INO80: variants seen among roughly 807,000 people sequenced by gnomAD.
INO80 encodes the protein INO80 complex ATPase subunit.
A neutral mutation model predicts 203.4 loss-of-function variants in INO80; 20 were observed. The observed-to-expected ratio is 0.10, with a 90% CI of 0.07 to 0.14. The LOEUF (loss-of-function observed/expected upper bound fraction) is 0.14. Among genes scored for constraint, INO80 ranks in the 10% least tolerant of loss-of-function variants. INO80 has a pLI of 1.00. For synonymous variants in INO80, 726 were observed against 685.2 expected (o/e 1.06, Z -0.93); for missense variants, 1,419 against 1,914.4 (o/e 0.74, Z 4.83).
chr15:41,105,186 A>ACAAT (rs1444758216), intron 1 of INO80, among the ~76,000 whole-genome samples: 1 of 152,224 alleles, frequency 6.6e-6, no homozygotes, highest in African/African-American at 2.4e-5. Flanking sequence ...ATGTGGTCTA[A>ACAAT]CAATCAACAA....
At chr15:41,099,031 G>A (rs1242375434) in intron 1 of INO80, among the ~76,000 whole-genome samples, 4 of 151,732 alleles carry the variant, frequency 2.6e-5, no homozygotes, top group African/African-American at 9.7e-5. Context: ...GATCCCTTGA[G>A]CCCAGGAGTT....
chr15:41,079,819 C>T lies in INO80; in HGVS notation c.1013G>A (p.Arg338His), dbSNP rs749332663. 10 of 1,613,978 alleles carry T rather than the reference C, an allele frequency of 6.2e-6. No homozygotes were observed. The highest frequency in any genetic ancestry group is 1.6e-4 in the Middle Eastern group (1 of 6,084). ...NCKETLPRAR[R>H]LTKEMLLYWK... ...GTACAGAAGCATCTCCTTGGTGAGG[C>T]GGCGGGCACGAGGCAAGGTTTCCTT... is the stretch of plus-strand genomic sequence containing the variant. The change falls in exon 9 of 36, where the codon CGC becomes CAC. Residue 338 changes from arginine (R) to histidine (H), a missense_variant. By Grantham distance (29) the Arg-to-His change is conservative. This residue lies in a region of INO80 where 87 missense variants were observed against 150.5 expected (regional missense o/e 0.58). Transcript: ENST00000648947.
Position 41,085,415 on chromosome 15 carries a change from C to T in INO80, c.827G>A (p.Arg276His), listed in dbSNP as rs143209468. The T allele has an allele frequency of 1.9e-6, 3 of 1,614,152 alleles. No homozygotes were observed. The highest frequency in any genetic ancestry group is 2.5e-6 in the Non-Finnish European group (3 of 1,180,032). The change falls in exon 7 of 36, where the codon CGT becomes CAT. Residue 276 changes from arginine to histidine, a missense_variant. By Grantham distance (29) the Arg-to-His change is conservative. This residue lies in a region of INO80 where 323 missense variants were observed against 325.4 expected (regional missense o/e 0.99). Coordinates refer to ENST00000648947, the MANE Select transcript of INO80 (RefSeq NM_017553.3). ...KHLSIEQLNA[R>H]RRKVWLSIVK... ...AATGCTGAGCCATACTTTCCTGCGA[C>T]GAGCATTCAGCTGCTCAATGGATAA... is the stretch of plus-strand genomic sequence containing the variant.
chr15:41,059,862 G>A lies in INO80; in HGVS notation c.1842+5C>T, dbSNP rs1457888937. The A allele has an allele frequency of 1.3e-6, 2 of 1,599,564 alleles. No individual in the cohort carries two copies. The highest frequency in any genetic ancestry group is 2.2e-5 in the South Asian group (2 of 90,214). On this transcript the variant is annotated splice_donor_5th_base_variant and intron_variant, in intron 15 of 35. Transcript: ENST00000648947. ...CGTATGTATGCAGTTTAAGTAGAAT[G>A]TTACCTGACTCCAGAACCTTCTGAT...
intron 6 of INO80, 50 bp from the exon 7 acceptor site, chr15:41,085,633 C>A: frequency 2.1e-6 from 3 of 1,432,024 alleles, no homozygotes; most frequent in Non-Finnish European, 2.9e-6. Context: ...GAGATAGTCA[C>A]AAAGCAACCT....
intron 1 of INO80, among the ~76,000 whole-genome samples, chr15:41,114,021 C>A (rs1473473870): frequency 1.3e-5 from 2 of 152,180 alleles, no homozygotes; most frequent in Admixed American, 1.3e-4. Flanking sequence ...GTAATCTCAG[C>A]ACTTTGGGAG....
Position 40,980,457 on chromosome 15 carries a change from AGAC to A in INO80, c.4454-20_4454-18del. ...CGGAGATTCCTGTGGGGACGGAGAG[AGAC>A]AAGAACGTAAGCACCAGTCCCGCGT... On this transcript the variant is annotated intron_variant, in intron 35 of 35. Coordinates refer to ENST00000648947, the MANE Select transcript of INO80 (RefSeq NM_017553.3). 1 of 1,598,480 alleles carries A rather than the reference AGAC, an allele frequency of 6.3e-7. No individual in the cohort carries two copies. The highest frequency in any genetic ancestry group is 1.1e-5 in the South Asian group (1 of 90,130).
intron 4 of INO80, among the ~76,000 whole-genome samples, chr15:41,094,280 A>G (rs1006503555): frequency 2.6e-5 from 4 of 152,098 alleles, no homozygotes; most frequent in Non-Finnish European, 4.4e-5. Context: ...TTCATCTTCC[A>G]CCATCCTCCT....
intron 24 of INO80, among the ~76,000 whole-genome samples, chr15:41,039,857 GT>G (rs2044641363): frequency 6.6e-6 from 1 of 152,200 alleles, no homozygotes; most frequent in African/African-American, 2.4e-5. Context: ...CACATCGGTG[GT>G]TTCCAAGGTA....
At position 41,079,759 on chromosome 15, in the gene INO80, C is replaced by A; in HGVS notation, c.1073G>T (p.Arg358Leu). 1.2e-6 allele frequency: 2 copies of A among 1,614,130 alleles called. No individual in the cohort carries two copies. Among genetic ancestry groups the A allele is most frequent in the Non-Finnish European group, 1.7e-6 (2 of 1,180,028 alleles). ...KKYEKVEKEH[R>L]KRAEKEALEQ... Reference sequence around the variant, plus strand: ...CAAAGCTTCCTTCTCTGCTCTCTTGCGGTGCTCCTTCTCTACTTTCTCATA... The same window carrying A: ...CAAAGCTTCCTTCTCTGCTCTCTTGAGGTGCTCCTTCTCTACTTTCTCATA... The change falls in exon 9 of 36, where the codon CGC (arginine) becomes CTC (leucine). Residue 358 changes from arginine (R) to leucine (L), a missense_variant. Physicochemically the swap from Arg to Leu is moderately radical, Grantham distance 102. Around this residue, in one of 9 missense-constraint regions of INO80, gnomAD observed 87 missense variants for 150.5 expected, o/e 0.58. Coordinates refer to ENST00000648947, the MANE Select transcript of INO80 (RefSeq NM_017553.3).
At chr15:41,066,016 G>A (rs1268530766) in intron 14 of INO80, among the ~76,000 whole-genome samples, 2 of 137,574 alleles carry the variant, frequency 1.5e-5, no homozygotes, top group Non-Finnish European at 3.1e-5. Context: ...TTTTGAGACA[G>A]AGTTGTGCTC....
At chr15:41,047,004 C>T (rs968661828) in intron 23 of INO80, among the ~76,000 whole-genome samples, 41 of 150,934 alleles carry the variant, frequency 2.7e-4, no homozygotes, top group African/African-American at 9.8e-4. Flanking sequence ...CTGGCCTCAA[C>T]TGATCCAGGC....
intron 35 of INO80, among the ~76,000 whole-genome samples, chr15:40,982,595 C>G (rs1423066188): frequency 2.0e-5 from 3 of 152,172 alleles, no homozygotes; most frequent in African/African-American, 7.2e-5. Flanking sequence ...ATCCCCAAAG[C>G]AAGAAAAATT....
intron 1 of INO80, among the ~76,000 whole-genome samples, chr15:41,115,766 T>G (rs1231281076): frequency 6.6e-6 from 1 of 152,134 alleles, no homozygotes; most frequent in African/African-American, 2.4e-5. Flanking sequence ...TCCAGAGATA[T>G]GAAACGGGAA....
rs763517504 is a variant in INO80, at chr15:41,050,045, G to C, written c.2332C>G (p.Leu778Val). Reference protein sequence around the residue: ...TSRQKLLYQALKNKISIEDLL... With the variant: ...TSRQKLLYQAVKNKISIEDLL... ...TCCTCAATGGAAATTTTGTTCTTTAGTGCCTGATATAGCAGCTTCTGTCGG... is the reference window on the plus strand; with the variant it reads ...TCCTCAATGGAAATTTTGTTCTTTACTGCCTGATATAGCAGCTTCTGTCGG... The change falls in exon 20 of 36, where the codon CTA becomes GTA. Residue 778 changes from leucine to valine, a missense_variant. Transcript: ENST00000648947. 1.2e-6 allele frequency: 2 copies of C among 1,613,840 alleles called. No homozygotes were observed. Among genetic ancestry groups the C allele is most frequent in the Admixed American group, 1.7e-5 (1 of 59,994 alleles).
chr15:41,020,170 G>A (rs28550294), intron 26 of INO80, among the ~76,000 whole-genome samples: 32,044 of 151,914 alleles, frequency 0.21, 4,267 homozygotes, highest in Non-Finnish European at 0.3. Context: ...GCAGTGAGCC[G>A]AGATCACGCC....
rs1315610439 is a variant in INO80, at chr15:40,979,581, TTCTC to T, written c.*638_*641del. On this transcript the variant is annotated 3_prime_UTR_variant, in exon 36 of 36. Coordinates refer to ENST00000648947, the MANE Select transcript of INO80 (RefSeq NM_017553.3). ...TACGGTTGCTGGTAGGATCTGAAGG[TTCTC>T]TTGGTGTGAACCATGCAGGATGGGA... 1 of 153,516 alleles carries T rather than the reference TTCTC, an allele frequency of 6.5e-6. No homozygotes were observed. The highest frequency in any genetic ancestry group is 1.5e-5 in the Non-Finnish European group (1 of 68,826). 9.5% of individuals were successfully genotyped at this position (153,516 alleles called of 1,614,324 possible). A position where few individuals can be genotyped will look rare whatever the true frequency, so the allele number is the denominator to read the frequency against.
At chr15:41,052,063 CTA>C (rs1336031803) in intron 19 of INO80, among the ~76,000 whole-genome samples, 1 of 151,626 alleles carries the variant, frequency 6.6e-6, no homozygotes, top group African/African-American at 2.4e-5. Context: ...CCCATGAACC[CTA>C]GAGTATGAGG....
At chr15:41,025,326 T>C (rs1228589397) in intron 25 of INO80, among the ~76,000 whole-genome samples, 3 of 152,124 alleles carry the variant, frequency 2.0e-5, no homozygotes, top group Non-Finnish European at 4.4e-5. Flanking sequence ...TTATAGATAT[T>C]TGGGGAGCTC....
Sources: allele counts gnomAD v4.1 joint callset (sites outside exome capture counted in the v4.1 genomes callset), GRCh38; gene constraint gnomAD v4.1.1; regional missense constraint gnomAD v4.1.1; transcripts MANE v1.5; gene names NCBI Gene and HGNC (gene_info 2026-07-23, HGNC 2026-07-21).